The following ZNF532 variants were observed in gnomAD, a reference collection of about 807,000 sequenced individuals.
ZNF532 encodes the protein zinc finger protein 532.
In ZNF532, 22 loss-of-function variants were observed where a neutral mutation model predicts 89.3. The ratio of observed to expected loss-of-function variants is 0.25; its 90% CI spans 0.18 to 0.35. The LOEUF (loss-of-function observed/expected upper bound fraction) is 0.35. Among genes scored for constraint, ZNF532 ranks in the 10% least tolerant of loss-of-function variants. The pLI is 1.00. For synonymous variants in ZNF532, 606 were observed against 649.6 expected (o/e 0.93, Z 1.02); for missense variants, 1,132 against 1,643.4 (o/e 0.69, Z 5.38).
rs779159615 is a variant in ZNF532 at position 58,934,516 on chromosome 18, C to T, written c.2430C>T (p.Pro810=). 1 of 1,614,118 alleles carries T rather than the reference C, an allele frequency of 6.2e-7. No homozygotes were observed. The highest frequency in any genetic ancestry group is 2.2e-5 in the East Asian group (1 of 44,888). ...SHQRIHQHKS[P]YTCPECGAIC... ...AGAGAATCCATCAGCACAAATCTCCCTACACCTGCCCTGAGTGTGGGGCCA... is the reference window on the plus strand; with the variant it reads ...AGAGAATCCATCAGCACAAATCTCCTTACACCTGCCCTGAGTGTGGGGCCA... Residue 810 remains proline (P), a synonymous_variant, in exon 4 of 10, where the codon CCC becomes CCT. Coordinates refer to ENST00000591808, the MANE Select transcript of ZNF532 (RefSeq NM_001375912.1).
intron 3 of ZNF532, among the ~76,000 whole-genome samples, chr18:58,924,735 T>C (rs1017315372): frequency 1.3e-5 from 2 of 152,258 alleles, no homozygotes; most frequent in Admixed American, 6.5e-5. Flanking sequence ...GATACAGAGC[T>C]TTTCCAGCAC....
chr18:58,881,505 C>A (rs1259032130), intron 2 of ZNF532, among the ~76,000 whole-genome samples: 1 of 152,178 alleles, frequency 6.6e-6, no homozygotes, highest in Non-Finnish European at 1.5e-5. Context: ...TGCTGTTTAT[C>A]ATATTGCATG....
At chr18:58,906,533 C>T (rs868569833) in intron 2 of ZNF532, among the ~76,000 whole-genome samples, 2 of 152,066 alleles carry the variant, frequency 1.3e-5, no homozygotes, top group Admixed American at 6.5e-5. Context: ...GTCATTTCTC[C>T]GAGGAGCCCT....
chr18:58,950,913 T>C (rs1217423980), intron 6 of ZNF532, among the ~76,000 whole-genome samples: 2 of 152,154 alleles, frequency 1.3e-5, no homozygotes, highest in African/African-American at 2.4e-5. Flanking sequence ...GCTGAAATTA[T>C]AGGTGTGAGC....
At position 58,920,128 on chromosome 18, in the gene ZNF532, G is replaced by A. The variant is rs765276886; in HGVS notation, c.1841G>A (p.Arg614His). The A allele has an allele frequency of 2.3e-5, 37 of 1,613,858 alleles. No homozygotes were observed. The South Asian group carries it at 2.7e-4, about 12-fold the overall frequency. ...PANAGITLPT[R>H]GYKCLECGDS... ...AATGCAGGGATCACGTTACCGACGC[G>A]TGGGTACAAGTGCTTGGAGTGTGGG... The change falls in exon 3 of 10, where the codon CGT (arginine) becomes CAT (histidine). Residue 614 changes from arginine to histidine, a missense_variant. Physicochemically the swap from Arg to His is conservative, Grantham distance 29. This residue lies in a region of ZNF532 where 70 missense variants were observed against 152.1 expected (regional missense o/e 0.46). Transcript: ENST00000591808.
chr18:58,875,753 A>AC (rs2144741603), intron 2 of ZNF532, among the ~76,000 whole-genome samples: 1 of 152,108 alleles, frequency 6.6e-6, no homozygotes, highest in East Asian at 1.9e-4. Context: ...TAGGTGATCG[A>AC]CCCTAGATTT....
intron 4 of ZNF532, among the ~76,000 whole-genome samples, chr18:58,935,083 T>TCTC (rs1351396576): frequency 2.3e-5 from 2 of 88,364 alleles, no homozygotes; most frequent in Non-Finnish European, 2.4e-5. Context: ...CAAATAACCT[T>TCTC]CTCCTCCTCC....
At chr18:58,890,005 C>T (rs1256127370) in intron 2 of ZNF532, among the ~76,000 whole-genome samples, 2 of 151,964 alleles carry the variant, frequency 1.3e-5, no homozygotes, top group Non-Finnish European at 2.9e-5. Flanking sequence ...ATCGTTTGAA[C>T]CCGGGAGGTG....
intron 2 of ZNF532, among the ~76,000 whole-genome samples, chr18:58,880,770 G>T (rs1043791180): frequency 4.9e-5 from 7 of 144,232 alleles, no homozygotes; most frequent in Admixed American, 2.1e-4. Context: ...GCACGCGCGC[G>T]CGTCTGTGTG....
intron 2 of ZNF532, among the ~76,000 whole-genome samples, chr18:58,892,527 G>A (rs1201236576): frequency 6.6e-6 from 1 of 152,208 alleles, no homozygotes; most frequent in African/African-American, 2.4e-5. Context: ...GCCTCCCAGA[G>A]GCCTTTGGTT....
At chr18:58,883,715 G>T (rs2058083019) in intron 2 of ZNF532, among the ~76,000 whole-genome samples, 1 of 152,118 alleles carries the variant, frequency 6.6e-6, no homozygotes, top group Non-Finnish European at 1.5e-5. Context: ...GGGCTGTCCT[G>T]TGCGTCTTAG....
chr18:58,904,922 A>G (rs2059833592), intron 2 of ZNF532, among the ~76,000 whole-genome samples: 1 of 150,924 alleles, frequency 6.6e-6, no homozygotes, highest in South Asian at 2.1e-4. Context: ...GCTCACTGCA[A>G]CCTCCGACTC....
chr18:58,918,635 C>T lies in ZNF532; in HGVS notation c.348C>T (p.Ala116=). The T allele has an allele frequency of 4.3e-6, 7 of 1,614,176 alleles. No individual in the cohort carries two copies. Among genetic ancestry groups the T allele is most frequent in the Non-Finnish European group, 5.1e-6 (6 of 1,180,034 alleles). ...GAKSLKGDVP[A]SEVTLKDSTF... is the part of the protein sequence containing the mutation. ...AGTCCTTGAAAGGAGATGTGCCTGCCTCTGAGGTGACACTGAAAGACTCGA... is the reference window on the plus strand; with the variant it reads ...AGTCCTTGAAAGGAGATGTGCCTGCTTCTGAGGTGACACTGAAAGACTCGA... Residue 116 remains alanine, a synonymous_variant, in exon 3 of 10, where the codon GCC becomes GCT. Transcript: ENST00000591808.
chr18:58,877,132 G>A (rs551944851), intron 2 of ZNF532, among the ~76,000 whole-genome samples: 34 of 152,294 alleles, frequency 2.2e-4, no homozygotes, highest in African/African-American at 7.9e-4. Context: ...GAGAGATGCG[G>A]ACTGAAGGCA....
rs1054705271 is a variant in ZNF532 at position 58,964,686 on chromosome 18, G to C, written c.3150+10887G>C. Among the ~76,000 whole-genome samples, 5 of 151,640 alleles carry C rather than the reference G, an allele frequency of 3.3e-5. 1 individual carries two copies. In the East Asian group the frequency reaches 9.7e-4, roughly 29 times the overall value. ...AGTGCTACCTCACACTCTTGGTCAC[G>C]AGCAATCTGCCAGCCTCAGCCTCCT... On this transcript the variant is annotated intron_variant, in intron 7 of 9. Coordinates refer to ENST00000591808, the MANE Select transcript of ZNF532 (RefSeq NM_001375912.1).
chr18:58,867,289 G>GT (rs1226479718), intron 2 of ZNF532, among the ~76,000 whole-genome samples: 2 of 152,122 alleles, frequency 1.3e-5, no homozygotes, highest in African/African-American at 2.4e-5. Context: ...TGTCTTGGTG[G>GT]TTTTTAGCTT....
chr18:58,957,941 T>G (rs1452329475), intron 7 of ZNF532, among the ~76,000 whole-genome samples: 1 of 151,914 alleles, frequency 6.6e-6, no homozygotes, highest in African/African-American at 2.4e-5. Context: ...GGCAGGTGCC[T>G]TGTAATCCCA....
At chr18:58,945,595 A>T (rs1239090684) in intron 5 of ZNF532, among the ~76,000 whole-genome samples, 1 of 152,226 alleles carries the variant, frequency 6.6e-6, no homozygotes, top group Non-Finnish European at 1.5e-5. Flanking sequence ...AAAGGAATGT[A>T]GCATGAACAA....
intron 5 of ZNF532, among the ~76,000 whole-genome samples, chr18:58,941,950 T>TCCTCCCTCCCTC (rs1311824724): frequency 7.4e-6 from 1 of 135,196 alleles, no homozygotes; most frequent in Non-Finnish European, 1.7e-5. Context: ...TTCTTTCCTT[T>TCCTCCCTCCCTC]CCTCCCTCCC....
Sources: allele counts gnomAD v4.1 joint callset (sites outside exome capture counted in the v4.1 genomes callset), GRCh38; gene constraint gnomAD v4.1.1; regional missense constraint gnomAD v4.1.1; transcripts MANE v1.5; gene names NCBI Gene and HGNC (gene_info 2026-07-23, HGNC 2026-07-21).